The following TANGO6 variants were observed in gnomAD, a reference collection of about 807,000 sequenced individuals.
TANGO6 encodes transport and golgi organization 6 homolog, also known as transport and Golgi organization protein 6 homolog.
In TANGO6, 90 loss-of-function variants were observed where a neutral mutation model predicts 114.2. The ratio of observed to expected loss-of-function variants is 0.79; its 90% confidence interval spans 0.66 to 0.94. The LOEUF is 0.94. Among genes scored for constraint, TANGO6 ranks in the 40% least tolerant of loss-of-function variants. The pLI is 0.00. For synonymous variants in TANGO6, 477 were observed against 509.8 expected (o/e 0.94, Z 0.87); for missense variants, 1,274 against 1,315.3 (o/e 0.97, Z 0.49).
At chr16:68,934,558 C>T (rs1185448158) in intron 14 of TANGO6, among the ~76,000 whole-genome samples, 1 of 152,008 alleles carries the variant, frequency 6.6e-6, no homozygotes, top group African/African-American at 2.4e-5. Context: ...AGCTGAGAGG[C>T]CAAAGAGTGC....
At chr16:68,896,098 G>A (rs1248786666) in intron 7 of TANGO6, among the ~76,000 whole-genome samples, 1 of 151,450 alleles carries the variant, frequency 6.6e-6, no homozygotes, top group Admixed American at 6.6e-5. Flanking sequence ...CTACCTCCTG[G>A]GTTCAAGCAA....
intron 14 of TANGO6, among the ~76,000 whole-genome samples, chr16:68,945,891 G>T (rs969283683): frequency 6.6e-6 from 1 of 152,092 alleles, no homozygotes; most frequent in African/African-American, 2.4e-5. Context: ...TAGCCATGTT[G>T]GCCAGGCTGG....
In TANGO6 at chr16:68,859,958, T is replaced by C; in HGVS notation, c.169T>C (p.Leu57=). The change falls in exon 2 of 18, where the codon TTG becomes CTG. Residue 57 remains leucine (L), a synonymous_variant. Coordinates refer to ENST00000261778, the MANE Select transcript of TANGO6 (RefSeq NM_024562.2). ...LATLKSNLSA[L]EDKFLKDPQW... ...TACTTTAAAATCTAACCTGTCTGCTTTGGAGGACAAGTTTCTGAAGGATCC... is the reference window on the plus strand; with the variant it reads ...TACTTTAAAATCTAACCTGTCTGCTCTGGAGGACAAGTTTCTGAAGGATCC... 3 of 1,612,690 alleles carry C rather than the reference T, an allele frequency of 1.9e-6. No homozygotes were observed. The highest frequency in any genetic ancestry group is 2.7e-5 in the African/African-American group (2 of 74,976).
intron 7 of TANGO6, among the ~76,000 whole-genome samples, chr16:68,888,709 G>A (rs1962571566): frequency 1.3e-5 from 2 of 152,094 alleles, no homozygotes; most frequent in African/African-American, 4.8e-5. Flanking sequence ...TCCTCTTTCT[G>A]AATTTTTAAT....
intron 5 of TANGO6, 99 bp downstream of exon 5, chr16:68,875,389 A>T: frequency 7.2e-7 from 1 of 1,383,506 alleles, no homozygotes; most frequent in East Asian, 2.5e-5. Flanking sequence ...AAAGCAGTAT[A>T]ATATTTAAGT....
At chr16:68,992,925 T>C (rs1020030306) in intron 15 of TANGO6, among the ~76,000 whole-genome samples, 4 of 152,148 alleles carry the variant, frequency 2.6e-5, no homozygotes, top group Middle Eastern at 3.4e-3. Flanking sequence ...AAAAATTAGC[T>C]GGGCGTGGTG....
intron 1 of TANGO6, among the ~76,000 whole-genome samples, chr16:68,857,091 A>C (rs867591475): frequency 6.6e-6 from 1 of 152,386 alleles, no homozygotes; most frequent in Middle Eastern, 3.4e-3. Context: ...CCTGGGCGAC[A>C]GAGCGAGACT....
At chr16:69,045,301 G>A (rs913919663) in intron 17 of TANGO6, among the ~76,000 whole-genome samples, 14 of 147,792 alleles carry the variant, frequency 9.5e-5, no homozygotes, top group African/African-American at 3.3e-4. Context: ...AAAATTAGCC[G>A]GGTGTGGTGG....
rs750639312 is a variant in TANGO6 at position 68,875,199 on chromosome 16, G to C, written c.1040G>C (p.Trp347Ser). ...GSDAEVTAAD[W>S]KKCDLIAKIL... is the part of the protein sequence containing the mutation. Reference sequence around the variant, plus strand: ...GATGCTGAGGTGACGGCTGCTGACTGGAAGAAGTGTGACCTGATCGCAAAG... The same window carrying C: ...GATGCTGAGGTGACGGCTGCTGACTCGAAGAAGTGTGACCTGATCGCAAAG... Residue 347 changes from tryptophan to serine, a missense_variant, in exon 5 of 18, where the codon TGG (tryptophan) becomes TCG (serine). Transcript: ENST00000261778. 1 of 1,613,408 alleles carries C rather than the reference G, an allele frequency of 6.2e-7. No homozygotes were observed. The highest frequency in any genetic ancestry group is 8.5e-7 in the Non-Finnish European group (1 of 1,179,540).
chr16:68,958,528 G>C (rs1239100691), intron 14 of TANGO6, among the ~76,000 whole-genome samples: 1 of 150,348 alleles, frequency 6.7e-6, no homozygotes, highest in Non-Finnish European at 1.5e-5. Flanking sequence ...GAAGGAAGCA[G>C]GGGAGGGAGA....
At chr16:68,962,728 A>G (rs251110) in intron 14 of TANGO6, among the ~76,000 whole-genome samples, 107,837 of 151,490 alleles carry the variant, frequency 0.71, 39,064 homozygotes, top group African/African-American at 0.87. Context: ...GCCATTGCAC[A>G]CCAGCCTGGG....
chr16:69,019,288 G>C (rs1959360851), intron 15 of TANGO6, among the ~76,000 whole-genome samples: 1 of 152,210 alleles, frequency 6.6e-6, no homozygotes, highest in Non-Finnish European at 1.5e-5. Context: ...AAGAGTCTGA[G>C]ATGACAATTC....
In TANGO6 at chr16:69,010,095, A is replaced by G. The variant is rs1964131416; in HGVS notation, c.2843-12733A>G. ...ATTCTGTGTATCATCTTATCATTCT[A>G]TTTGCTACCCTCACTAAATGGAGCA... On this transcript the variant is annotated intron_variant, in intron 15 of 17. Coordinates refer to ENST00000261778, the MANE Select transcript of TANGO6 (RefSeq NM_024562.2). Among the ~76,000 whole-genome samples the G allele has an allele frequency of 3.9e-5, 6 of 152,104 alleles. No homozygotes were observed. In the South Asian group the frequency reaches 8.3e-4, roughly 21 times the overall value.
chr16:68,948,601 A>G (rs997995926), intron 14 of TANGO6, among the ~76,000 whole-genome samples: 15 of 152,188 alleles, frequency 9.9e-5, no homozygotes, highest in African/African-American at 3.4e-4. Context: ...AGTATAGGAG[A>G]ACCAGGCCTA....
intron 14 of TANGO6, among the ~76,000 whole-genome samples, chr16:68,933,111 T>G (rs1378830600): frequency 1.3e-5 from 2 of 152,144 alleles, no homozygotes; most frequent in African/African-American, 4.8e-5. Context: ...GTAGGCCGAT[T>G]CTGTCAGTTA....
chr16:68,904,620 T>C (rs1359851193), intron 9 of TANGO6, among the ~76,000 whole-genome samples: 1 of 152,178 alleles, frequency 6.6e-6, no homozygotes, highest in African/African-American at 2.4e-5. Flanking sequence ...CAACTTAGTC[T>C]GAAAAAATTT....
intron 1 of TANGO6, among the ~76,000 whole-genome samples, chr16:68,849,670 A>G (rs1961870077): frequency 6.6e-6 from 1 of 152,028 alleles, no homozygotes. Flanking sequence ...AAAAAAAAAA[A>G]TGAAAAGGAA....
chr16:68,938,657 C>G (rs1963321817), intron 14 of TANGO6, among the ~76,000 whole-genome samples: 1 of 151,932 alleles, frequency 6.6e-6, no homozygotes, highest in Non-Finnish European at 1.5e-5. Flanking sequence ...GCTTAATTGT[C>G]CCTCAGAGCT....
chr16:68,940,868 T>C (rs141988068), intron 14 of TANGO6, among the ~76,000 whole-genome samples: 4 of 152,314 alleles, frequency 2.6e-5, no homozygotes, highest in Non-Finnish European at 5.9e-5. Context: ...CATTGAAAAA[T>C]AAAATATTTC....
Sources: gnomAD v4.1 joint callset for allele counts (sites outside exome capture counted in the v4.1 genomes callset) on GRCh38, gnomAD v4.1.1 for gene constraint, MANE v1.5 for transcripts, NCBI Gene and HGNC (gene_info 2026-07-23, HGNC 2026-07-21) for gene names.